LCORL: variants seen among roughly 807,000 people sequenced by gnomAD.
The protein encoded by LCORL is ligand dependent nuclear receptor corepressor like.
A neutral mutation model predicts 141.8 loss-of-function variants in LCORL; 41 were observed. The observed-to-expected ratio is 0.29, with a 90% CI of 0.23 to 0.38. LCORL has a LOEUF of 0.38. Ranked by LOEUF, LCORL falls within the 10% of genes least tolerant of loss-of-function variation. The probability of loss-of-function intolerance (pLI) is 1.00; values close to 1 mark genes in which losing one functional copy is unlikely to be tolerated. For missense variants in LCORL, 1,759 were observed against 2,035.0 expected, an observed-to-expected ratio of 0.86 and a Z score of 2.61; for synonymous variants, 618 against 694.1, an observed-to-expected ratio of 0.89 and a Z score of 1.72.
At chr4:17,954,391 AAGTC>A (rs1447522686) in intron 4 of LCORL, among the ~76,000 whole-genome samples, 1 of 152,158 alleles carries the variant, frequency 6.6e-6, no homozygotes, top group African/African-American at 2.4e-5. Flanking sequence ...GAAAAGCAAA[AAGTC>A]AGTAAGTATT....
At chr4:17,880,410 T>C in intron 6 of LCORL, 1 of 875,698 alleles carries the variant, frequency 1.1e-6, no homozygotes, top group Non-Finnish European at 1.4e-6. Context: ...TGTAGATCCT[T>C]TGCTTTTAAA....
chr4:17,930,332 G>A (rs571150240), intron 4 of LCORL, among the ~76,000 whole-genome samples: 4 of 152,140 alleles, frequency 2.6e-5, no homozygotes, highest in Non-Finnish European at 5.9e-5. Context: ...GTGAGACTCC[G>A]TTTCCACACA....
At chr4:18,011,017 C>T (rs1026718955) in intron 1 of LCORL, among the ~76,000 whole-genome samples, 1 of 152,054 alleles carries the variant, frequency 6.6e-6, no homozygotes, top group Non-Finnish European at 1.5e-5. Flanking sequence ...CAGTTCTATT[C>T]CTCTTGCCCC....
chr4:17,929,073 C>CA (rs1241351117), intron 4 of LCORL, among the ~76,000 whole-genome samples: 7 of 152,086 alleles, frequency 4.6e-5, no homozygotes, highest in Admixed American at 2.6e-4. Flanking sequence ...AAAATACTTA[C>CA]AAAAAATAAA....
At chr4:17,952,307 A>G (rs1166221371) in intron 4 of LCORL, among the ~76,000 whole-genome samples, 1 of 152,160 alleles carries the variant, frequency 6.6e-6, no homozygotes, top group African/African-American at 2.4e-5. Context: ...TACTTTCTCA[A>G]ATGAATTAGA....
At chr4:17,900,025 C>T (rs989203157) in intron 5 of LCORL, among the ~76,000 whole-genome samples, 3 of 152,186 alleles carry the variant, frequency 2.0e-5, no homozygotes, top group Admixed American at 1.3e-4. Flanking sequence ...ATAAAGAATA[C>T]TTAACCCATA....
intron 1 of LCORL, among the ~76,000 whole-genome samples, chr4:17,982,772 G>C (rs1718245100): frequency 6.6e-6 from 1 of 152,126 alleles, no homozygotes; most frequent in East Asian, 1.9e-4. Flanking sequence ...TCTTTAATTA[G>C]TTCCCATTTG....
At chr4:17,916,667 T>A (rs1014835832) in intron 4 of LCORL, among the ~76,000 whole-genome samples, 2 of 144,244 alleles carry the variant, frequency 1.4e-5, no homozygotes, top group Admixed American at 1.4e-4. Context: ...TTTTTTTTTT[T>A]AGATAGTGTC....
At position 18,021,632 on chromosome 4, in the gene LCORL, G is replaced by C. The variant is rs1725601800; in HGVS notation, c.120C>G (p.Leu40=). Residue 40 remains leucine, a synonymous_variant, in exon 1 of 8, where the codon CTC becomes CTG. Coordinates refer to ENST00000635767, the Ensembl canonical transcript of LCORL. This position sits in a 1 kb window ranked among gnomAD's most constrained non-coding sequence, Gnocchi z 5.5. ...GCATGAGGCGGTGGCGCCAAGAGTC[G>C]AGTTCCCGCCGGAATCCTCTTCTCT... 6.5e-7 allele frequency: 1 copy of C among 1,545,552 alleles called. No individual in the cohort carries two copies. Among genetic ancestry groups the C allele is most frequent in the African/African-American group, 1.4e-5 (1 of 71,930 alleles).
chr4:17,847,675 C>T (rs1242219466), intron 7 of LCORL, among the ~76,000 whole-genome samples: 1 of 152,082 alleles, frequency 6.6e-6, no homozygotes, highest in African/African-American at 2.4e-5. Context: ...GAAATGATAA[C>T]TGAATTTAGA....
chr4:17,905,048 T>C (rs1290280001), intron 5 of LCORL, among the ~76,000 whole-genome samples: 2 of 152,184 alleles, frequency 1.3e-5, no homozygotes, highest in East Asian at 3.8e-4. Context: ...ACATAGTTTA[T>C]CCATTTCATT....
chr4:17,966,752 C>A (rs1472403254), intron 2 of LCORL, among the ~76,000 whole-genome samples: 3 of 152,136 alleles, frequency 2.0e-5, no homozygotes, highest in Admixed American at 6.6e-5. Context: ...CACTATATAC[C>A]TGTTAGAATG....
intron 4 of LCORL, among the ~76,000 whole-genome samples, chr4:17,926,349 A>G (rs1011170335): frequency 6.6e-6 from 1 of 152,230 alleles, no homozygotes; most frequent in Non-Finnish European, 1.5e-5. Flanking sequence ...CTCGGCTACG[A>G]TAAAAGCAGG....
intron 4 of LCORL, among the ~76,000 whole-genome samples, chr4:17,925,878 CAAAAAAAAAAAAA>C (rs71167343): frequency 9.2e-4 from 89 of 96,588 alleles, no homozygotes; most frequent in Admixed American, 1.1e-3. Context: ...GATTCCATCT[CAAAAAAAAAAAAA>C]AAAAAAAAAA....
intron 1 of LCORL, among the ~76,000 whole-genome samples, chr4:18,008,175 T>A (rs6811842): frequency 0.24 from 36,131 of 152,094 alleles, 5,481 homozygotes; most frequent in African/African-American, 0.43. Flanking sequence ...GACTAAAACT[T>A]AACACTGCAA....
At chr4:17,933,202 A>G (rs1736329532) in intron 4 of LCORL, among the ~76,000 whole-genome samples, 1 of 152,066 alleles carries the variant, frequency 6.6e-6, no homozygotes, top group Non-Finnish European at 1.5e-5. Flanking sequence ...AGTTTCAAAT[A>G]TATTTCTGGA....
chr4:17,999,051 A>C (rs1721474427), intron 1 of LCORL, among the ~76,000 whole-genome samples: 1 of 146,892 alleles, frequency 6.8e-6, no homozygotes, highest in Non-Finnish European at 1.5e-5. Flanking sequence ...TACATAAACT[A>C]GTAACACATT....
At chr4:17,857,213 C>T (rs931811731) in intron 7 of LCORL, among the ~76,000 whole-genome samples, 7 of 151,154 alleles carry the variant, frequency 4.6e-5, no homozygotes, top group African/African-American at 1.5e-4. Flanking sequence ...CTGGAGTTCA[C>T]GAAGTCCCAG....
intron 1 of LCORL, among the ~76,000 whole-genome samples, chr4:18,018,389 T>C (rs1724950840): frequency 6.6e-6 from 1 of 152,110 alleles, no homozygotes; most frequent in East Asian, 1.9e-4. Flanking sequence ...ACAGTCAAAT[T>C]ATAGAAAGTA....
Sources: gnomAD v4.1 joint callset for allele counts (sites outside exome capture counted in the v4.1 genomes callset) on GRCh38, gnomAD v4.1.1 for gene constraint, Gnocchi (gnomAD v3.1) non-coding constraint, MANE v1.5 for transcripts, NCBI Gene and HGNC (gene_info 2026-07-23, HGNC 2026-07-21) for gene names.